Variants in IPO7 observed in about 807,000 individuals in gnomAD.
IPO7 encodes importin-7.
A neutral mutation model predicts 136.4 loss-of-function variants in IPO7; 13 were observed. The observed-to-expected ratio is 0.10, with a 90% CI of 0.06 to 0.15. IPO7 has a LOEUF of 0.15. Ranked by LOEUF, IPO7 falls within the 10% of genes least tolerant of loss-of-function variation. The pLI is 1.00. For missense variants in IPO7, 857 were observed against 1,240.6 expected (o/e 0.69, Z 4.65); for synonymous variants, 403 against 404.4 (o/e 1.00, Z 0.04).
At chr11:9,431,729 T>C (rs1419173138) in intron 16 of IPO7, among the ~76,000 whole-genome samples, 2 of 152,132 alleles carry the variant, frequency 1.3e-5, no homozygotes, top group African/African-American at 4.8e-5. Flanking sequence ...ATCCCAGCAC[T>C]TTGAGAGGCC....
intron 1 of IPO7, among the ~76,000 whole-genome samples, chr11:9,394,757 T>A (rs968505039): frequency 3.3e-5 from 5 of 152,196 alleles, no homozygotes; most frequent in African/African-American, 9.7e-5. Flanking sequence ...ATACTGATCT[T>A]TTTTTCTCCA....
In IPO7 at chr11:9,419,268, G is replaced by A. The variant is rs377084033; in HGVS notation, c.727-1143G>A. 2.4e-4 allele frequency among the ~76,000 whole-genome samples: 36 copies of A among 152,244 alleles called. 4 individuals are homozygous for A. Among genetic ancestry groups the A allele is most frequent in the East Asian group, 1.7e-3 (9 of 5,180 alleles). On this transcript the variant is annotated intron_variant, in intron 6 of 24. Transcript: ENST00000379719. ...TACTTAAAAAAATATGTCATGGATA[G>A]GCTGGGCGTGGTGGCTTACGCCTGT...
intron 16 of IPO7, among the ~76,000 whole-genome samples, chr11:9,431,492 A>G (rs924634414): frequency 5.0e-4 from 74 of 149,086 alleles, no homozygotes; most frequent in African/African-American, 1.7e-3. Flanking sequence ...ATGGAGTCTC[A>G]CTCTGTCACC....
intron 1 of IPO7, 78 bp downstream of exon 1, chr11:9,384,925 G>A: frequency 1.8e-6 from 2 of 1,133,092 alleles, no homozygotes; most frequent in South Asian, 1.4e-5. Flanking sequence ...GGGCCTGGCC[G>A]GAGGCGCGGA....
intron 23 of IPO7, among the ~76,000 whole-genome samples, chr11:9,441,504 G>A (rs1351544592): frequency 2.0e-5 from 3 of 152,162 alleles, no homozygotes; most frequent in Admixed American, 2.0e-4. Context: ...TACATTATCT[G>A]ATAACCAAGG....
At chr11:9,428,348 G>A (rs991726956) in intron 12 of IPO7, among the ~76,000 whole-genome samples, 192 bp from the exon 13 acceptor site, 16 of 152,192 alleles carry the variant, frequency 1.1e-4, no homozygotes, top group Non-Finnish European at 2.1e-4. Flanking sequence ...ATATAAAAAC[G>A]TGAAAATGTG....
chr11:9,407,946 A>G (rs964222815), intron 2 of IPO7, among the ~76,000 whole-genome samples: 4 of 152,230 alleles, frequency 2.6e-5, no homozygotes, highest in Admixed American at 2.6e-4. Flanking sequence ...AAAAATAGCA[A>G]TCTGTAATTT....
chr11:9,409,259 C>G (rs750694913), intron 3 of IPO7, among the ~76,000 whole-genome samples: 24 of 152,114 alleles, frequency 1.6e-4, no homozygotes, highest in Non-Finnish European at 2.6e-4. Context: ...CAGGCGTGCA[C>G]CAGCATCCCT....
chr11:9,395,108 T>A (rs1160902836), intron 1 of IPO7, among the ~76,000 whole-genome samples: 1 of 152,206 alleles, frequency 6.6e-6, no homozygotes, highest in Non-Finnish European at 1.5e-5. Context: ...AAAAATCTAT[T>A]GTAGCATCTT....
chr11:9,442,122 C>G lies in IPO7; in HGVS notation c.2944C>G (p.His982Asp), dbSNP rs746207085. The change falls in exon 24 of 25, where the codon CAC (histidine) becomes GAC (aspartate). Residue 982 changes from histidine to aspartate, a missense_variant. By Grantham distance (81) the His-to-Asp change is moderately conservative. Coordinates refer to ENST00000379719, the MANE Select transcript of IPO7 (RefSeq NM_006391.3). ...TCCTGTGTGGTATCAGGCACTGACTCACGGTCTTAATGAAGAACAAAGAAA... is the reference window on the plus strand; with the variant it reads ...TCCTGTGTGGTATCAGGCACTGACTGACGGTCTTAATGAAGAACAAAGAAA... ...RNPVWYQALT[H>D]GLNEEQRKQL... The G allele has an allele frequency of 7.5e-6, 12 of 1,607,868 alleles. No individual in the cohort carries two copies. Among genetic ancestry groups the G allele is most frequent in the Non-Finnish European group, 1.0e-5 (12 of 1,174,722 alleles).
chr11:9,435,070 G>C, intron 19 of IPO7, 39 bp downstream of exon 19: 1 of 1,180,908 alleles, frequency 8.5e-7, no homozygotes, highest in Non-Finnish European at 1.3e-6. Flanking sequence ...TGAGGCTTCT[G>C]CTATAAAATG....
intron 24 of IPO7, 51 bp from the exon 25 acceptor site, chr11:9,445,046 C>A: frequency 1.8e-6 from 2 of 1,137,970 alleles, no homozygotes; most frequent in South Asian, 1.2e-5. Flanking sequence ...CAGTTTCTCA[C>A]CAAGTTAGTA....
chr11:9,428,231 GT>G (rs2133755125), intron 12 of IPO7, among the ~76,000 whole-genome samples: 1 of 152,272 alleles, frequency 6.6e-6, no homozygotes, highest in Non-Finnish European at 1.5e-5. Flanking sequence ...TATCAGACAA[GT>G]TTTTTCCTTA....
intron 2 of IPO7, among the ~76,000 whole-genome samples, chr11:9,407,788 A>C (rs1264374014): frequency 6.6e-6 from 1 of 152,214 alleles, no homozygotes; most frequent in Non-Finnish European, 1.5e-5. Flanking sequence ...TTTACAGTAC[A>C]TCTTACAGAT....
chr11:9,439,179 G>C (rs773464994), intron 22 of IPO7, among the ~76,000 whole-genome samples: 1 of 152,060 alleles, frequency 6.6e-6, no homozygotes, highest in South Asian at 2.1e-4. Context: ...GCAACAGCGC[G>C]ATCTTGGCTC....
chr11:9,439,567 TTTTG>T lies in IPO7; in HGVS notation c.2696-880_2696-877del, dbSNP rs1328450537. Among the ~76,000 whole-genome samples, 8 of 152,128 alleles carry T rather than the reference TTTTG, an allele frequency of 5.3e-5. No homozygotes were observed. The East Asian group carries it at 1.4e-3, about 26-fold the overall frequency. ...CTATTACAAGATTTATGGGGGTTTT[TTTTG>T]TTTGTTTTTTTTTGTTGTTGTTGTT... On this transcript the variant is annotated intron_variant, in intron 22 of 24. Transcript: ENST00000379719.
intron 4 of IPO7, among the ~76,000 whole-genome samples, chr11:9,413,023 G>A (rs1854989690): frequency 6.6e-6 from 1 of 151,520 alleles, no homozygotes; most frequent in Non-Finnish European, 1.5e-5. Flanking sequence ...GGGACTATAG[G>A]CGCCCGCCAC....
chr11:9,396,796 G>C (rs149776708), intron 1 of IPO7, among the ~76,000 whole-genome samples: 101 of 152,106 alleles, frequency 6.6e-4, no homozygotes, highest in African/African-American at 2.4e-3. Context: ...TGTATGTATC[G>C]ATAAGACACA....
At chr11:9,386,481 G>T (rs1470660997) in intron 1 of IPO7, among the ~76,000 whole-genome samples, 1 of 152,158 alleles carries the variant, frequency 6.6e-6, no homozygotes, top group Non-Finnish European at 1.5e-5. Flanking sequence ...GCCTAGAAAA[G>T]CTAAAAGTTT....
Sources: allele counts gnomAD v4.1 joint callset (sites outside exome capture counted in the v4.1 genomes callset), GRCh38; gene constraint gnomAD v4.1.1; transcripts MANE v1.5; gene names NCBI Gene and HGNC (gene_info 2026-07-23, HGNC 2026-07-21).